RCOR1: variants seen among roughly 807,000 people sequenced by gnomAD.
RCOR1 encodes the protein REST corepressor.
Under a neutral mutation model 64.0 loss-of-function variants are expected in RCOR1, and 12 were observed. The ratio of observed to expected loss-of-function variants is 0.19; its 90% CI spans 0.12 to 0.30. The LOEUF (loss-of-function observed/expected upper bound fraction) is 0.30, where lower values mean the gene tolerates loss of function less well. Among genes scored for constraint, RCOR1 ranks in the 10% least tolerant of loss-of-function variants. RCOR1 has a pLI of 1.00. For missense variants in RCOR1, 502 were observed against 621.2 expected (o/e 0.81, Z 2.04); for synonymous variants, 279 against 227.2 (o/e 1.23, Z -2.05).
intron 2 of RCOR1, among the ~76,000 whole-genome samples, chr14:102,656,624 T>C (rs1894729484): frequency 6.6e-6 from 1 of 151,036 alleles, no homozygotes; most frequent in Non-Finnish European, 1.5e-5. Context: ...TGCCACCATA[T>C]ACCTGGCTGA....
At chr14:102,609,562 C>T (rs551555727) in intron 2 of RCOR1, among the ~76,000 whole-genome samples, 1 of 152,110 alleles carries the variant, frequency 6.6e-6, no homozygotes. Context: ...GCCTCAGCTT[C>T]CTGAGAAGAT....
At chr14:102,631,156 G>C (rs1367847155) in intron 2 of RCOR1, among the ~76,000 whole-genome samples, 1 of 151,850 alleles carries the variant, frequency 6.6e-6, no homozygotes, top group Non-Finnish European at 1.5e-5. Context: ...TGTGAGAAGT[G>C]ACTGCATGGG....
At chr14:102,669,322 A>AG (rs1555465154) in intron 2 of RCOR1, among the ~76,000 whole-genome samples, 5 of 151,824 alleles carry the variant, frequency 3.3e-5, no homozygotes, top group Non-Finnish European at 7.4e-5. Flanking sequence ...AAAAAAAAAA[A>AG]AGAGAAAAGA....
chr14:102,685,205 A>G (rs972592033), intron 3 of RCOR1, among the ~76,000 whole-genome samples: 8 of 152,166 alleles, frequency 5.3e-5, no homozygotes, highest in Non-Finnish European at 1.2e-4. Context: ...AATAGTACAT[A>G]ATGCATAATA....
chr14:102,728,253 C>T lies in RCOR1; in HGVS notation c.*1747C>T, dbSNP rs1231166519. On this transcript the variant is annotated 3_prime_UTR_variant, in exon 12 of 12. Coordinates refer to ENST00000262241, the MANE Select transcript of RCOR1 (RefSeq NM_015156.4). The stretch of plus-strand genomic sequence containing the variant: ...ACTTGCTGCCCTTCATCATCTCGTT[C>T]CCGTGCCAGGTGTGTGTTGGTCACG... The T allele has an allele frequency of 6.6e-6, 1 of 152,076 alleles. No homozygotes were observed. The highest frequency in any genetic ancestry group is 1.9e-4 in the East Asian group (1 of 5,196). 9.4% of individuals were successfully genotyped at this position (152,076 alleles called of 1,614,324 possible).
intron 2 of RCOR1, among the ~76,000 whole-genome samples, chr14:102,603,357 CT>C (rs1444602006): frequency 6.6e-6 from 1 of 151,616 alleles, no homozygotes; most frequent in Non-Finnish European, 1.5e-5. Context: ...CAGGGTCTGG[CT>C]CTGTCATCCA....
intron 2 of RCOR1, chr14:102,650,965 T>G (rs997979583): frequency 8.5e-6 from 7 of 825,038 alleles, no homozygotes; most frequent in African/African-American, 1.9e-5. Flanking sequence ...TATTAGACAA[T>G]GAGACTTAGA....
At chr14:102,677,129 C>A in intron 2 of RCOR1, among the ~76,000 whole-genome samples, 1 of 138,530 alleles carries the variant, frequency 7.2e-6, no homozygotes, top group Non-Finnish European at 1.6e-5. Context: ...CCCTCACCTC[C>A]CGGACGGGGC....
intron 2 of RCOR1, among the ~76,000 whole-genome samples, chr14:102,618,279 G>A (rs1893804928): frequency 6.6e-6 from 1 of 151,984 alleles, no homozygotes; most frequent in African/African-American, 2.4e-5. Context: ...GCCTGTCTGG[G>A]ATGTTTGCCA....
intron 2 of RCOR1, among the ~76,000 whole-genome samples, chr14:102,652,283 A>G (rs1319927051): frequency 3.3e-5 from 5 of 152,262 alleles, no homozygotes; most frequent in African/African-American, 1.2e-4. Flanking sequence ...CAGTCTAGGC[A>G]GAGCTGGGAT....
intron 3 of RCOR1, among the ~76,000 whole-genome samples, chr14:102,695,969 G>A (rs1339215199): frequency 2.0e-5 from 3 of 151,810 alleles, no homozygotes; most frequent in African/African-American, 4.8e-5. Flanking sequence ...TATCAGAGAA[G>A]ATTAAAAAAA....
chr14:102,593,537 C>T (rs989278002), intron 2 of RCOR1, among the ~76,000 whole-genome samples: 1 of 152,216 alleles, frequency 6.6e-6, no homozygotes, highest in Non-Finnish European at 1.5e-5. Flanking sequence ...CCAGGTCGCC[C>T]CCAGCAGGGC....
At position 102,601,475 on chromosome 14, in the gene RCOR1, A is replaced by G. The variant is rs115200169; in HGVS notation, c.361+8150A>G. 6.7e-3 allele frequency among the ~76,000 whole-genome samples: 1,024 copies of G among 152,338 alleles called. 10 individuals are homozygous for G. Among genetic ancestry groups the G allele is most frequent in the African/African-American group, 0.024 (991 of 41,578 alleles). ...ACAGAATTAGATGTGCAAGAGGTTC[A>G]TTAGGGTATGCTTGTGAAGGATAAA... On this transcript the variant is annotated intron_variant, in intron 2 of 11. Transcript: ENST00000262241.
At chr14:102,690,722 CTCACTGTCTTAACTCACTTTCTT>C (rs1266349276) in intron 3 of RCOR1, among the ~76,000 whole-genome samples, 5 of 152,222 alleles carry the variant, frequency 3.3e-5, no homozygotes, top group African/African-American at 9.6e-5. Flanking sequence ...ACACAAACCA[CTCACTGTCTTAACTCACTTTCTT>C]TCATTCTGCT....
At chr14:102,720,557 A>G (rs1292399869) in intron 8 of RCOR1, among the ~76,000 whole-genome samples, 3 of 144,874 alleles carry the variant, frequency 2.1e-5, no homozygotes, top group Non-Finnish European at 3.1e-5. Flanking sequence ...GGTGGACAGC[A>G]CAGTGATCTT....
At chr14:102,648,767 C>T (rs1894524720) in intron 2 of RCOR1, among the ~76,000 whole-genome samples, 1 of 152,176 alleles carries the variant, frequency 6.6e-6, no homozygotes, top group Non-Finnish European at 1.5e-5. Flanking sequence ...CAGTGAGAAT[C>T]TTGGTTCTCA....
chr14:102,674,477 A>T (rs771073470), intron 2 of RCOR1, among the ~76,000 whole-genome samples: 20 of 152,088 alleles, frequency 1.3e-4, no homozygotes, highest in South Asian at 2.1e-4. Context: ...TCTTTTTTTT[A>T]AAATGCTGAT....
rs533200382 is a variant in RCOR1 at position 102,658,440 on chromosome 14, A to T, written c.362-23455A>T. 14 of 817,596 alleles carry T rather than the reference A, an allele frequency of 1.7e-5. No homozygotes were observed. In the African/African-American group the frequency reaches 2.4e-4, roughly 14 times the overall value. 50.6% of individuals were successfully genotyped at this position (817,596 alleles called of 1,614,324 possible). On this transcript the variant is annotated intron_variant, in intron 2 of 11. Transcript: ENST00000262241. ...AGGTAAGAAGTTGCAGTGAGCCAAG[A>T]TCACACCATTGCACTCCAGGCTGGG...
chr14:102,661,958 A>G (rs62007926), intron 2 of RCOR1, among the ~76,000 whole-genome samples: 1,969 of 151,942 alleles, frequency 0.013, 14 homozygotes, highest in South Asian at 0.021. Context: ...ACAGGGTCTC[A>G]CTTTGTTGCC....
Sources: allele counts gnomAD v4.1 joint callset (sites outside exome capture counted in the v4.1 genomes callset), GRCh38; gene constraint gnomAD v4.1.1; transcripts MANE v1.5; gene names NCBI Gene and HGNC (gene_info 2026-07-23, HGNC 2026-07-21).